Variants in LRRC53 observed in about 807,000 individuals in gnomAD.
LRRC53 encodes leucine-rich repeat-containing protein 53.
A neutral mutation model predicts 13.6 loss-of-function variants in LRRC53; 25 were observed. The ratio of observed to expected loss-of-function variants is 1.83; its 90% CI spans 1.34 to 2.56. The LOEUF is 2.56. LRRC53 is among the 30% of genes most tolerant of loss of function. The probability of loss-of-function intolerance (pLI) is 0.00; values close to 1 mark genes in which losing one functional copy is unlikely to be tolerated. For synonymous variants in LRRC53, 204 were observed against 109.8 expected (o/e 1.86, Z -5.37); for missense variants, 527 against 275.8 (o/e 1.91, Z -6.45).
At chr1:74,487,433 G>A (rs2100285555) in intron 1 of LRRC53, among the ~76,000 whole-genome samples, 2 of 152,266 alleles carry the variant, frequency 1.3e-5, no homozygotes, top group South Asian at 2.1e-4. Context: ...ATATGTAATA[G>A]GCTCTCTGAA....
At chr1:74,483,991 AT>A (rs1318257576) in intron 1 of LRRC53, among the ~76,000 whole-genome samples, 18 of 152,288 alleles carry the variant, frequency 1.2e-4, no homozygotes, top group Admixed American at 3.9e-4. Context: ...TTAGAAAAAA[AT>A]ATTTCTTTTT....
chr1:74,519,869 T>G, the LRRC53 span, among the ~76,000 whole-genome samples: 1 of 152,076 alleles, frequency 6.6e-6, no homozygotes, highest in Non-Finnish European at 1.5e-5. Flanking sequence ...GCAGTGTGGG[T>G]GTCCTATCTG....
At chr1:74,497,086 T>A (rs1451412231) in intron 1 of LRRC53, among the ~76,000 whole-genome samples, 2 of 152,196 alleles carry the variant, frequency 1.3e-5, no homozygotes, top group East Asian at 1.9e-4. Flanking sequence ...GCTTGCCTAG[T>A]GCACTTAGAA....
At chr1:74,529,442 G>A in the LRRC53 span, among the ~76,000 whole-genome samples, 1 of 152,202 alleles carries the variant, frequency 6.6e-6, no homozygotes, top group African/African-American at 2.4e-5. Context: ...GGAAATTCAA[G>A]TAGAGATGGA....
chr1:74,522,546 A>G, the LRRC53 span, among the ~76,000 whole-genome samples: 1 of 152,150 alleles, frequency 6.6e-6, no homozygotes, highest in Non-Finnish European at 1.5e-5. Context: ...GGTATTATAC[A>G]TTTAAAAAGT....
intron 1 of LRRC53, among the ~76,000 whole-genome samples, chr1:74,504,971 G>T (rs1669819212): frequency 6.6e-6 from 1 of 152,188 alleles, no homozygotes; most frequent in Non-Finnish European, 1.5e-5. Context: ...AATAAATGGT[G>T]ACAGATTTCT....
At chr1:74,511,907 AGT>A (rs1670246877) in intron 1 of LRRC53, among the ~76,000 whole-genome samples, 1 of 152,208 alleles carries the variant, frequency 6.6e-6, no homozygotes, top group Non-Finnish European at 1.5e-5. Flanking sequence ...CAAAGGGTTG[AGT>A]GTGGGTAGAG....
rs61729304 is a variant in LRRC53, at chr1:74,472,080, A to G, written c.1542T>C (p.Asn514=). 1.2e-3 allele frequency: 825 copies of G among 717,050 alleles called. 5 individuals carry two copies. In the African/African-American group the frequency reaches 0.013, roughly 11 times the overall value. 44.4% of individuals were successfully genotyped at this position (717,050 alleles called of 1,614,324 possible). Residue 514 remains asparagine (N), a synonymous_variant, in exon 5 of 5, where the codon AAT becomes AAC. Coordinates refer to ENST00000294635, the MANE Select transcript of LRRC53 (RefSeq NM_001382280.1). ...SWQPPIEKED[N]GLHPHRQRHF... ...GTCTTTGCCTATGAGGGTGTAAGCC[A>G]TTGTCTTCTTTTTCTATTGGAGGCT...
intron 3 of LRRC53, among the ~76,000 whole-genome samples, chr1:74,478,253 A>G (rs1668303119): frequency 6.6e-6 from 1 of 152,192 alleles, no homozygotes. Flanking sequence ...CAATTTAACA[A>G]TTATTTGATG....
chr1:74,508,435 A>T (rs974911344), intron 1 of LRRC53, among the ~76,000 whole-genome samples: 3 of 152,224 alleles, frequency 2.0e-5, no homozygotes, highest in African/African-American at 7.2e-5. Flanking sequence ...GATGAGAAAA[A>T]ATAAAGTCCC....
chr1:74,476,558 G>T (rs1204959232), intron 3 of LRRC53, among the ~76,000 whole-genome samples: 1 of 152,066 alleles, frequency 6.6e-6, no homozygotes, highest in Non-Finnish European at 1.5e-5. Flanking sequence ...AGACAAAGGA[G>T]GCAGAAATAT....
the LRRC53 span, among the ~76,000 whole-genome samples, chr1:74,530,839 G>A: frequency 1.3e-5 from 2 of 151,866 alleles, no homozygotes; most frequent in Non-Finnish European, 2.9e-5. Flanking sequence ...GCCTCTTAAT[G>A]GTTTGCTCAG....
Position 74,475,830 on chromosome 1 carries a change from C to A in LRRC53, c.905-20G>T. 1.8e-6 allele frequency: 1 copy of A among 547,638 alleles called. No individual in the cohort carries two copies. The highest frequency in any genetic ancestry group is 3.3e-6 in the Non-Finnish European group (1 of 301,026). 33.9% of individuals were successfully genotyped at this position (547,638 alleles called of 1,614,324 possible). ...CAGCTCCTATGACAAATAGAGAGAC[C>A]ATTAAAAGATAACATCTTGGGAAGA... On this transcript the variant is annotated intron_variant, in intron 3 of 4. Transcript: ENST00000294635.
At chr1:74,512,092 T>A (rs1670256454) in intron 1 of LRRC53, among the ~76,000 whole-genome samples, 1 of 152,162 alleles carries the variant, frequency 6.6e-6, no homozygotes, top group South Asian at 2.1e-4. Flanking sequence ...GCAGTGAGCA[T>A]GAAAAGATCT....
intron 1 of LRRC53, among the ~76,000 whole-genome samples, chr1:74,507,698 T>C (rs1314806532): frequency 6.6e-6 from 1 of 152,178 alleles, no homozygotes; most frequent in Non-Finnish European, 1.5e-5. Context: ...AGTTCTATGG[T>C]GAGAATTTCA....
intron 3 of LRRC53, among the ~76,000 whole-genome samples, chr1:74,479,450 G>A (rs1668367112): frequency 6.6e-6 from 1 of 152,094 alleles, no homozygotes; most frequent in South Asian, 2.1e-4. Context: ...ACATAGAGTT[G>A]GACAAACAGA....
chr1:74,498,391 A>T (rs1331664858), intron 1 of LRRC53, among the ~76,000 whole-genome samples: 2 of 152,210 alleles, frequency 1.3e-5, no homozygotes, highest in African/African-American at 4.8e-5. Flanking sequence ...ACTCTGTGCC[A>T]CGTTATAATT....
At chr1:74,522,504 T>A in the LRRC53 span, among the ~76,000 whole-genome samples, 1 of 152,008 alleles carries the variant, frequency 6.6e-6, no homozygotes, top group Admixed American at 6.6e-5. Context: ...TGACTAATTC[T>A]CCCCACGCAG....
the LRRC53 span, among the ~76,000 whole-genome samples, chr1:74,532,620 C>G: frequency 1.4e-3 from 219 of 151,398 alleles, 5 homozygotes; most frequent in East Asian, 8.0e-3. Flanking sequence ...TGCTATCCCT[C>G]CCCCCTCGCC....
Sources: allele counts gnomAD v4.1 joint callset (sites outside exome capture counted in the v4.1 genomes callset), GRCh38; gene constraint gnomAD v4.1.1; transcripts MANE v1.5; gene names NCBI Gene and HGNC (gene_info 2026-07-23, HGNC 2026-07-21).